The following MLN variants were observed in gnomAD, a reference collection of about 807,000 sequenced individuals.
MLN encodes the protein promotilin.
In MLN, 14 loss-of-function variants were observed where a neutral mutation model predicts 13.3. The ratio of observed to expected loss-of-function variants is 1.05; its 90% CI spans 0.69 to 1.64. MLN has a LOEUF of 1.64. Among genes scored for constraint, MLN ranks in the 40% most tolerant of loss-of-function variants. The pLI is 0.00. For synonymous variants in MLN, 59 were observed against 54.7 expected, an observed-to-expected ratio of 1.08 and a Z score of -0.34; for missense variants, 122 against 142.9, an observed-to-expected ratio of 0.85 and a Z score of 0.75.
rs1490831617 is a variant in MLN, at chr6:33,799,393, G to T, written c.118-172C>A. Among the ~76,000 whole-genome samples, 1 of 152,138 alleles carries T rather than the reference G, an allele frequency of 6.6e-6. No individual in the cohort carries two copies. Among genetic ancestry groups the T allele is most frequent in the Non-Finnish European group, 1.5e-5 (1 of 68,030 alleles). ...GAGGAATCTCAGATACTAACTAGTG[G>T]CTCATGGATGTCCCTTGAGGTTGCC... On this transcript the variant is annotated intron_variant, in intron 2 of 4. Transcript: ENST00000430124. This position sits in a 1 kb window ranked among gnomAD's most constrained non-coding sequence, Gnocchi z 4.6.
In MLN at chr6:33,799,273, G is replaced by C. The variant is rs753837143; in HGVS notation, c.118-52C>G. ...AAACCGCCCTCCCTCAACCCACGCT[G>C]ATGGCCCCTTGCCTGTCTCCATCTG... On this transcript the variant is annotated intron_variant, in intron 2 of 4. Coordinates refer to ENST00000430124, the MANE Select transcript of MLN (RefSeq NM_002418.3). The surrounding 1 kb of genome is among the most constrained non-coding windows in gnomAD (Gnocchi z 4.6). 6 of 1,325,156 alleles carry C rather than the reference G, an allele frequency of 4.5e-6. No individual in the cohort carries two copies. Among genetic ancestry groups the C allele is most frequent in the Non-Finnish European group, 6.5e-6 (6 of 923,430 alleles). The allele number at this position is 1,325,156 out of a possible 1,614,324, so 82.1% of individuals were successfully genotyped here.
intron 4 of MLN, 35 bp downstream of exon 4, chr6:33,795,468 C>T (rs1250118704): frequency 5.9e-6 from 9 of 1,526,954 alleles, no homozygotes; most frequent in East Asian, 4.9e-5. Context: ...GGGCGGAGGC[C>T]GGCCAAGCCA....
chr6:33,799,164 C>T lies in MLN; in HGVS notation c.175G>A (p.Glu59Lys). The T allele has an allele frequency of 6.2e-7, 1 of 1,613,176 alleles. No individual in the cohort carries two copies. Among genetic ancestry groups the T allele is most frequent in the Non-Finnish European group, 8.5e-7 (1 of 1,179,336 alleles). The change falls in exon 3 of 5, where the codon GAG (glutamate) becomes AAG (lysine). Residue 59 changes from glutamate to lysine, a missense_variant. Physicochemically the swap from Glu to Lys is moderately conservative, Grantham distance 56. Transcript: ENST00000430124. This position sits in a 1 kb window ranked among gnomAD's most constrained non-coding sequence, Gnocchi z 4.6. ...TCCGCAGGGTCTACAGGACCTTCCT[C>T]CCCAGACCTCTGCCATACACTCAGG... ...KSLSVWQRSG[E>K]EGPVDPAEPI... is the part of the protein sequence containing the mutation.
At chr6:33,798,374 A>C (rs997913479) in intron 3 of MLN, among the ~76,000 whole-genome samples, 6 of 152,228 alleles carry the variant, frequency 3.9e-5, no homozygotes, top group African/African-American at 1.4e-4. Flanking sequence ...GATCACCCAA[A>C]TAAACGAGTC....
In MLN at chr6:33,803,401, A is replaced by G. The variant is rs1760899819; in HGVS notation, c.-8+552T>C. ...CGGCTCACTGCAACCTCTGCCTCCCAGGTTCAAGCGATTCTTCTGCCTCAG... is the reference window on the plus strand; with the variant it reads ...CGGCTCACTGCAACCTCTGCCTCCCGGGTTCAAGCGATTCTTCTGCCTCAG... On this transcript the variant is annotated intron_variant, in intron 1 of 4. Coordinates refer to ENST00000430124, the MANE Select transcript of MLN (RefSeq NM_002418.3). This position sits in a 1 kb window ranked among gnomAD's most constrained non-coding sequence, Gnocchi z 4.5. Among the ~76,000 whole-genome samples, 1 of 147,762 alleles carries G rather than the reference A, an allele frequency of 6.8e-6. No individual in the cohort carries two copies. The highest frequency in any genetic ancestry group is 2.5e-5 in the African/African-American group (1 of 39,960).
Position 33,803,411 on chromosome 6 carries a change from G to A in MLN, c.-8+542C>T, listed in dbSNP as rs1582280885. Among the ~76,000 whole-genome samples, 1 of 151,072 alleles carries A rather than the reference G, an allele frequency of 6.6e-6. No individual in the cohort carries two copies. The highest frequency in any genetic ancestry group is 6.6e-5 in the Admixed American group (1 of 15,152). Reference sequence around the variant, plus strand: ...CAACCTCTGCCTCCCAGGTTCAAGCGATTCTTCTGCCTCAGCTTCCTGAGT... The same window carrying A: ...CAACCTCTGCCTCCCAGGTTCAAGCAATTCTTCTGCCTCAGCTTCCTGAGT... On this transcript the variant is annotated intron_variant, in intron 1 of 4. Transcript: ENST00000430124. The surrounding 1 kb of genome is among the most constrained non-coding windows in gnomAD (Gnocchi z 4.5).
rs553661582 is a variant in MLN, at chr6:33,798,706, C to T, written c.234+399G>A. Among the ~76,000 whole-genome samples the T allele has an allele frequency of 2.6e-4, 40 of 152,364 alleles. No homozygotes were observed. The South Asian group carries it at 7.9e-3, about 30-fold the overall frequency. On this transcript the variant is annotated intron_variant, in intron 3 of 4. Coordinates refer to ENST00000430124, the MANE Select transcript of MLN (RefSeq NM_002418.3). ...CCTGCCACAAGGGCCTGTCGCCCACCGGTGTTCCTCAGTCTTTGCACTCAC... is the reference window on the plus strand; with the variant it reads ...CCTGCCACAAGGGCCTGTCGCCCACTGGTGTTCCTCAGTCTTTGCACTCAC...
chr6:33,803,205 G>A lies in MLN; in HGVS notation c.-8+748C>T, dbSNP rs931459081. ...CAAGTGTCCAGCTCTGCATGAAGGGGGTGACCGTCTGCCCTCCCTTGCAGC... is the reference window on the plus strand; with the variant it reads ...CAAGTGTCCAGCTCTGCATGAAGGGAGTGACCGTCTGCCCTCCCTTGCAGC... On this transcript the variant is annotated intron_variant, in intron 1 of 4. Coordinates refer to ENST00000430124, the MANE Select transcript of MLN (RefSeq NM_002418.3). The surrounding 1 kb of genome is among the most constrained non-coding windows in gnomAD (Gnocchi z 4.5). Among the ~76,000 whole-genome samples the A allele has an allele frequency of 6.6e-6, 1 of 152,134 alleles. No homozygotes were observed. The highest frequency in any genetic ancestry group is 1.5e-5 in the Non-Finnish European group (1 of 68,020).
At chr6:33,802,001 G>T (rs111399435) in intron 1 of MLN, among the ~76,000 whole-genome samples, 68 of 152,264 alleles carry the variant, frequency 4.5e-4, no homozygotes, top group South Asian at 1.5e-3. Context: ...GACTGCAGGG[G>T]TGCAGAGCCT....
rs545890831 is a variant in MLN, at chr6:33,802,062, G to A, written c.-7-892C>T. ...TTGGGCAGGGACAGGGTGGTCCTGGGGTGGGGGTGGGATGGCCTAGCTGAG... is the reference window on the plus strand; with the variant it reads ...TTGGGCAGGGACAGGGTGGTCCTGGAGTGGGGGTGGGATGGCCTAGCTGAG... On this transcript the variant is annotated intron_variant, in intron 1 of 4. Coordinates refer to ENST00000430124, the MANE Select transcript of MLN (RefSeq NM_002418.3). Among the ~76,000 whole-genome samples, 3 of 152,268 alleles carry A rather than the reference G, an allele frequency of 2.0e-5. No homozygotes were observed. The East Asian group carries it at 5.8e-4, about 29-fold the overall frequency.
Position 33,795,537 on chromosome 6 carries a change from C to T in MLN, c.303G>A (p.Leu101=). 1 of 1,567,274 alleles carries T rather than the reference C, an allele frequency of 6.4e-7. No individual in the cohort carries two copies. The highest frequency in any genetic ancestry group is 8.7e-7 in the Non-Finnish European group (1 of 1,154,498). Residue 101 remains leucine (L), a synonymous_variant, in exon 4 of 5, where the codon CTG becomes CTA. Coordinates refer to ENST00000430124, the MANE Select transcript of MLN (RefSeq NM_002418.3). ...SRQLEKYPAT[L]EGLLSEMLPQ... is the part of the protein sequence containing the mutation. ...GAAGCATCTCACTCAGCAGCCCTTC[C>T]AGGGTGGCCGGGTACTTTTCCAGCT...
chr6:33,798,379 C>G (rs562802053), intron 3 of MLN, among the ~76,000 whole-genome samples: 1 of 152,316 alleles, frequency 6.6e-6, no homozygotes, highest in Admixed American at 6.5e-5. Flanking sequence ...CCCAAATAAA[C>G]GAGTCTGTGA....
intron 3 of MLN, 26 bp from the exon 4 acceptor site, chr6:33,795,631 C>T (rs769436106): frequency 1.6e-5 from 25 of 1,546,476 alleles, no homozygotes; most frequent in South Asian, 1.1e-4. Context: ...GCGTTAACAA[C>T]GAGGGAGAGG....
intron 3 of MLN, among the ~76,000 whole-genome samples, chr6:33,797,688 G>T (rs12153877): frequency 6.6e-6 from 1 of 151,848 alleles, no homozygotes; most frequent in Non-Finnish European, 1.5e-5. Context: ...CTCCAAGACC[G>T]CCCGAGGCCG....
intron 2 of MLN, among the ~76,000 whole-genome samples, chr6:33,800,485 C>T (rs1768017486): frequency 6.6e-6 from 1 of 152,202 alleles, no homozygotes; most frequent in Admixed American, 6.5e-5. Context: ...GGCGCTGGCT[C>T]CCATTGGTCC....
chr6:33,796,764 A>G (rs1021970232), intron 3 of MLN, among the ~76,000 whole-genome samples: 19 of 152,132 alleles, frequency 1.2e-4, no homozygotes, highest in Non-Finnish European at 1.6e-4. Context: ...CTTACTTAAC[A>G]CAAGGAGGCT....
Position 33,798,951 on chromosome 6 carries a change from C to G in MLN, c.234+154G>C, listed in dbSNP as rs116979202. The stretch of plus-strand genomic sequence containing the variant: ...CGTTGCTGGAGTCCGTCTCTCCCTA[C>G]GAGGATGGAGCTCATTGCCTGGATG... On this transcript the variant is annotated intron_variant, in intron 3 of 4. Transcript: ENST00000430124. Among the ~76,000 whole-genome samples the G allele has an allele frequency of 3.0e-3, 464 of 152,244 alleles. 10 individuals carry two copies. The East Asian group carries it at 0.06, about 20-fold the overall frequency.
Position 33,802,489 on chromosome 6 carries a change from G to C in MLN, c.-7-1319C>G, listed in dbSNP as rs1480713564. 2.6e-5 allele frequency among the ~76,000 whole-genome samples: 4 copies of C among 152,174 alleles called. No individual in the cohort carries two copies. In the East Asian group the frequency reaches 7.7e-4, roughly 29 times the overall value. ...TCCCCCTTTGAACAGAACCTTCCAA[G>C]GCTGCAGGCTTGCATCCTGCCTCTC... On this transcript the variant is annotated intron_variant, in intron 1 of 4. Transcript: ENST00000430124.
At chr6:33,798,144 T>G (rs963738363) in intron 3 of MLN, among the ~76,000 whole-genome samples, 2 of 152,190 alleles carry the variant, frequency 1.3e-5, no homozygotes, top group Admixed American at 6.5e-5. Context: ...CCGCGTCTCC[T>G]TGCGGCTCTG....
Sources: gnomAD v4.1 joint callset for allele counts (sites outside exome capture counted in the v4.1 genomes callset) on GRCh38, gnomAD v4.1.1 for gene constraint, Gnocchi (gnomAD v3.1) non-coding constraint, MANE v1.5 for transcripts, NCBI Gene and HGNC (gene_info 2026-07-23, HGNC 2026-07-21) for gene names.